The following CCNB3 variants were observed in gnomAD, a reference collection of about 807,000 sequenced individuals.
The protein encoded by CCNB3 is G2/mitotic-specific cyclin-B3.
A neutral mutation model predicts 68.0 loss-of-function variants in CCNB3; 12 were observed. That is an observed-to-expected ratio of 0.18 (90% confidence interval 0.11 to 0.29). The LOEUF (loss-of-function observed/expected upper bound fraction) is 0.29. Among genes scored for constraint, CCNB3 ranks in the 10% least tolerant of loss-of-function variants. The pLI is 1.00. For synonymous variants in CCNB3, 354 were observed against 388.9 expected (o/e 0.91, Z 1.06); for missense variants, 904 against 993.1 (o/e 0.91, Z 1.21).
chrX:50,314,588 T>C (rs1423578912), intron 8 of CCNB3, among the ~76,000 whole-genome samples: 1 of 111,370 alleles, frequency 9.0e-6, no homozygotes, highest in Admixed American at 9.6e-5. Flanking sequence ...GAAAAGACAA[T>C]ATAGTTTTAT....
intron 8 of CCNB3, among the ~76,000 whole-genome samples, chrX:50,334,554 G>A (rs1233660081): frequency 8.9e-6 from 1 of 112,546 alleles, no homozygotes; most frequent in East Asian, 2.8e-4. Flanking sequence ...GCCAGACTTT[G>A]GAAACCCCAT....
intron 1 of CCNB3, among the ~76,000 whole-genome samples, chrX:50,213,217 G>T (rs1935511237): frequency 8.9e-6 from 1 of 111,984 alleles, no homozygotes; most frequent in Admixed American, 9.5e-5. Flanking sequence ...GCTGATCAAT[G>T]AACACGGGAC....
chrX:50,342,350 G>A lies in CCNB3; in HGVS notation c.3654+11G>A, dbSNP rs782499685. The stretch of plus-strand genomic sequence containing the variant: ...GCAGCAAAATTTGAGGTGAGTCTGA[G>A]TCCCTATGGCCTGGAGAACTAATCA... On this transcript the variant is annotated intron_variant, in intron 9 of 12. Coordinates refer to ENST00000376042, the MANE Select transcript of CCNB3 (RefSeq NM_033031.3). 2 of 1,183,949 alleles carry A rather than the reference G, an allele frequency of 1.7e-6. No homozygotes were observed. The highest frequency in any genetic ancestry group is 3.9e-5 in the South Asian group (2 of 51,543).
chrX:50,291,355 A>G (rs782306830), intron 4 of CCNB3, among the ~76,000 whole-genome samples: 4 of 111,623 alleles, frequency 3.6e-5, no homozygotes, highest in South Asian at 7.5e-4. Context: ...CCAAGCTGGC[A>G]TGATCACAGC....
rs1440976775 is a variant in CCNB3, at chrX:50,208,843, A to C, written c.-113+3893A>C. Among the ~76,000 whole-genome samples, 6 of 111,744 alleles carry C rather than the reference A, an allele frequency of 5.4e-5. No individual in the cohort carries two copies. In the East Asian group the frequency reaches 1.7e-3, roughly 31 times the overall value. ...TGTTGTTCTTTAAATATTTTGTTTA[A>C]TTCTCCAGTGAAATCATCTGGGCCC... On this transcript the variant is annotated intron_variant, in intron 1 of 12. Coordinates refer to ENST00000376042, the MANE Select transcript of CCNB3 (RefSeq NM_033031.3).
chrX:50,317,571 T>TATGTATG (rs1557215964), intron 8 of CCNB3, among the ~76,000 whole-genome samples: 11 of 5,794 alleles, frequency 1.9e-3, no homozygotes, highest in Non-Finnish European at 2.7e-3. Context: ...ATGTATGTAT[T>TATGTATG]TATTTATTTA....
At chrX:50,285,983 C>T (rs778496276) in intron 3 of CCNB3, among the ~76,000 whole-genome samples, 5 of 111,942 alleles carry the variant, frequency 4.5e-5, no homozygotes, top group African/African-American at 1.3e-4. Flanking sequence ...ATCAAATTTT[C>T]GGATTAGTGT....
intron 1 of CCNB3, among the ~76,000 whole-genome samples, chrX:50,210,974 A>G (rs1178722008): frequency 2.7e-5 from 3 of 111,819 alleles, no homozygotes; most frequent in African/African-American, 9.8e-5. Flanking sequence ...TTAAAAAAGT[A>G]CTTGAGGCCT....
At chrX:50,299,788 A>C (rs781805898) in intron 5 of CCNB3, among the ~76,000 whole-genome samples, 7 of 111,392 alleles carry the variant, frequency 6.3e-5, no homozygotes, top group Admixed American at 1.9e-4. Context: ...GTAGGTCACT[A>C]AGGACTTGCT....
At chrX:50,341,284 C>T (rs1325956483) in intron 8 of CCNB3, among the ~76,000 whole-genome samples, 4 of 108,202 alleles carry the variant, frequency 3.7e-5, no homozygotes, top group East Asian at 2.9e-4. Context: ...GAGCCGAGAT[C>T]GCACCACTGC....
chrX:50,330,691 A>C (rs1376352897), intron 8 of CCNB3, among the ~76,000 whole-genome samples: 1 of 112,161 alleles, frequency 8.9e-6, no homozygotes, highest in African/African-American at 3.2e-5. Context: ...AAATCCTCCT[A>C]GGTCTGGGAA....
intron 8 of CCNB3, among the ~76,000 whole-genome samples, chrX:50,318,776 C>G (rs1921872178): frequency 9.0e-6 from 1 of 111,612 alleles, no homozygotes; most frequent in Non-Finnish European, 1.9e-5. Flanking sequence ...TGATATAAAA[C>G]TTCCCCGAAT....
chrX:50,218,314 G>C (rs1178609886), intron 1 of CCNB3, among the ~76,000 whole-genome samples: 1 of 111,182 alleles, frequency 9.0e-6, no homozygotes, highest in East Asian at 2.8e-4. Flanking sequence ...TAAGTTCTAG[G>C]ATACATGTGC....
chrX:50,227,125 TAC>T (rs1935868394), intron 1 of CCNB3, among the ~76,000 whole-genome samples: 1 of 79,959 alleles, frequency 1.3e-5, no homozygotes, highest in Admixed American at 1.7e-4. Context: ...ATAGAATATA[TAC>T]AAAAATATAT....
At chrX:50,294,131 G>A (rs1443427885) in intron 4 of CCNB3, among the ~76,000 whole-genome samples, 1 of 110,030 alleles carries the variant, frequency 9.1e-6, no homozygotes, top group Non-Finnish European at 1.9e-5. Flanking sequence ...TGTAGTGACA[G>A]GGTCTCCCTA....
intron 6 of CCNB3, among the ~76,000 whole-genome samples, chrX:50,311,751 T>A (rs1921473869): frequency 9.0e-6 from 1 of 110,533 alleles, no homozygotes; most frequent in East Asian, 2.9e-4. Flanking sequence ...CTTCTCACCT[T>A]TTGTAGCCTG....
In CCNB3 at chrX:50,311,053, T is replaced by C. The variant is rs1921413787; in HGVS notation, c.2884T>C (p.Phe962Leu). Residue 962 changes from phenylalanine to leucine, a missense_variant, in exon 6 of 13, where the codon TTT becomes CTT. Coordinates refer to ENST00000376042, the MANE Select transcript of CCNB3 (RefSeq NM_033031.3). The part of the protein sequence containing the change: ...QESPTYKEDT[F>L]LKTLLVPQVG... ...GAGTCCCACCTACAAGGAAGACACCTTTCTCAAAACATTGTTGGTCCCCCA... is the reference window on the plus strand; with the variant it reads ...GAGTCCCACCTACAAGGAAGACACCCTTCTCAAAACATTGTTGGTCCCCCA... The C allele has an allele frequency of 2.5e-6, 3 of 1,208,862 alleles. No individual in the cohort carries two copies. Among genetic ancestry groups the C allele is most frequent in the African/African-American group, 3.5e-5 (2 of 56,851 alleles).
At chrX:50,336,611 C>A (rs1922866687) in intron 8 of CCNB3, among the ~76,000 whole-genome samples, 1 of 111,951 alleles carries the variant, frequency 8.9e-6, no homozygotes, top group Non-Finnish European at 1.9e-5. Flanking sequence ...CTCACACAGT[C>A]GTTCATAGAA....
At chrX:50,301,463 G>T (rs1216247346) in intron 5 of CCNB3, among the ~76,000 whole-genome samples, 1 of 111,796 alleles carries the variant, frequency 8.9e-6, no homozygotes, top group African/African-American at 3.3e-5. Context: ...TTGGTGAACC[G>T]CAAATGTTGC....
Sources: allele counts gnomAD v4.1 joint callset (sites outside exome capture counted in the v4.1 genomes callset), GRCh38; gene constraint gnomAD v4.1.1; transcripts MANE v1.5; gene names NCBI Gene and HGNC (gene_info 2026-07-23, HGNC 2026-07-21).